Variants in SLC25A31 observed in about 807,000 individuals in gnomAD.
The protein encoded by SLC25A31 is solute carrier family 25 member 31.
Under a neutral mutation model 36.2 loss-of-function variants are expected in SLC25A31, and 40 were observed. The ratio of observed to expected loss-of-function variants is 1.10; its 90% CI spans 0.86 to 1.44. SLC25A31 has a LOEUF of 1.44. Ranked by LOEUF, SLC25A31 falls within the 40% of genes most tolerant of loss-of-function variation. SLC25A31 has a pLI of 0.00. For missense variants in SLC25A31, 350 were observed against 397.1 expected, an observed-to-expected ratio of 0.88 and a Z score of 1.01; for synonymous variants, 143 against 149.7, an observed-to-expected ratio of 0.96 and a Z score of 0.32.
chr4:127,751,269 G>C (rs983733843), intron 2 of SLC25A31, among the ~76,000 whole-genome samples: 3 of 151,898 alleles, frequency 2.0e-5, no homozygotes, highest in Admixed American at 6.6e-5. Flanking sequence ...AATAATACCA[G>C]GCATCTACAA....
At chr4:127,735,509 GTCTCCCTGGTCCCTCCCTC>G (rs1455327620) in intron 1 of SLC25A31, among the ~76,000 whole-genome samples, 5 of 151,820 alleles carry the variant, frequency 3.3e-5, no homozygotes, top group Non-Finnish European at 5.9e-5. Context: ...TTTGCTACCT[GTCTCCCTGGTCCCTCCCTC>G]TTAAGATGTA....
At chr4:127,770,529 G>C (rs1164451033) in intron 5 of SLC25A31, among the ~76,000 whole-genome samples, 3 of 152,024 alleles carry the variant, frequency 2.0e-5, no homozygotes, top group Non-Finnish European at 4.4e-5. Flanking sequence ...GGGAGGCTGA[G>C]GCAGGAGAAT....
intron 5 of SLC25A31, among the ~76,000 whole-genome samples, chr4:127,770,353 A>G (rs1732329210): frequency 6.6e-6 from 1 of 152,228 alleles, no homozygotes; most frequent in Non-Finnish European, 1.5e-5. Context: ...TGAGCCAGGC[A>G]CTGTGGCTCA....
chr4:127,730,802 CA>C, intron 1 of SLC25A31, 25 bp downstream of exon 1: 4 of 1,587,644 alleles, frequency 2.5e-6, no homozygotes, highest in Non-Finnish European at 3.4e-6. Context: ...GCCGCCCCGA[CA>C]GCCTCTCCCG....
chr4:127,737,291 A>G (rs550930338), intron 1 of SLC25A31, among the ~76,000 whole-genome samples: 1 of 152,308 alleles, frequency 6.6e-6, no homozygotes, highest in South Asian at 2.1e-4. Context: ...TACTACTTTA[A>G]CAGTTTTCCT....
At chr4:127,740,116 G>C (rs1404557576) in intron 1 of SLC25A31, among the ~76,000 whole-genome samples, 4 of 152,054 alleles carry the variant, frequency 2.6e-5, no homozygotes, top group Non-Finnish European at 2.9e-5. Context: ...TGATCCTTTG[G>C]TGTTGTTATT....
intron 2 of SLC25A31, among the ~76,000 whole-genome samples, chr4:127,747,761 G>C (rs1187085586): frequency 1.3e-5 from 2 of 152,124 alleles, no homozygotes; most frequent in African/African-American, 4.8e-5. Context: ...AATTTCCCTT[G>C]ACTCAGATTG....
intron 2 of SLC25A31, among the ~76,000 whole-genome samples, chr4:127,747,244 G>A (rs1731842889): frequency 6.6e-6 from 1 of 151,728 alleles, no homozygotes; most frequent in Admixed American, 6.6e-5. Flanking sequence ...TTGGCTATTC[G>A]GGCTCTTTTT....
intron 5 of SLC25A31, among the ~76,000 whole-genome samples, chr4:127,771,889 A>G (rs1201508233): frequency 1.3e-5 from 2 of 152,198 alleles, no homozygotes; most frequent in Non-Finnish European, 2.9e-5. Context: ...ATTGTGTTAA[A>G]TTAATCTGTT....
At chr4:127,741,775 C>G (rs1002629326) in intron 1 of SLC25A31, among the ~76,000 whole-genome samples, 6 of 151,946 alleles carry the variant, frequency 3.9e-5, no homozygotes, top group African/African-American at 1.5e-4. Context: ...AGATCCTGGG[C>G]TTTTCTTTAT....
chr4:127,761,393 T>C (rs1392229279), intron 2 of SLC25A31, among the ~76,000 whole-genome samples: 2 of 152,192 alleles, frequency 1.3e-5, no homozygotes, highest in African/African-American at 4.8e-5. Context: ...TGTGCTTGGT[T>C]TTCATAAGCA....
At chr4:127,768,045 T>A (rs1036105127) in intron 4 of SLC25A31, among the ~76,000 whole-genome samples, 10 of 152,024 alleles carry the variant, frequency 6.6e-5, no homozygotes, top group African/African-American at 2.4e-4. Context: ...GTTAAGTAAT[T>A]TACTTGTTAA....
Position 127,730,422 on chromosome 4 carries a change from G to T in SLC25A31, c.-124G>T. 9.3e-7 allele frequency: 1 copy of T among 1,078,048 alleles called. No homozygotes were observed. The highest frequency in any genetic ancestry group is 1.3e-6 in the Non-Finnish European group (1 of 754,104). 66.8% of individuals were successfully genotyped at this position (1,078,048 alleles called of 1,614,324 possible). A position where few individuals can be genotyped will look rare whatever the true frequency, so the allele number is the denominator to read the frequency against. On this transcript the variant is annotated 5_prime_UTR_variant, in exon 1 of 6. Transcript: ENST00000281154. ...CTCGCCGGCGCGCGGCTCTCTCAGC[G>T]TCCCAAGAGCCACTTTCTCGCCAGT...
chr4:127,764,640 T>C (rs566342526), intron 3 of SLC25A31, among the ~76,000 whole-genome samples: 1 of 152,272 alleles, frequency 6.6e-6, no homozygotes, highest in Non-Finnish European at 1.5e-5. Context: ...TAGATTTTTT[T>C]CCATGCACTT....
chr4:127,731,721 C>T (rs1731530274), intron 1 of SLC25A31, among the ~76,000 whole-genome samples: 1 of 151,968 alleles, frequency 6.6e-6, no homozygotes, highest in East Asian at 1.9e-4. Flanking sequence ...CTTCCGTTTC[C>T]GAAGCCCCTC....
chr4:127,761,114 C>G lies in SLC25A31; in HGVS notation c.361-3129C>G, dbSNP rs187564612. ...GATCGTCACTCAGCATGGGCAGATT[C>G]TTACTGCCTTTCTCCCTCTATTTCT... On this transcript the variant is annotated intron_variant, in intron 2 of 5. Transcript: ENST00000281154. Among the ~76,000 whole-genome samples, 4 of 152,270 alleles carry G rather than the reference C, an allele frequency of 2.6e-5. No individual in the cohort carries two copies. In the East Asian group the frequency reaches 7.7e-4, roughly 29 times the overall value.
chr4:127,757,225 AACCC>A (rs1732047866), intron 2 of SLC25A31, among the ~76,000 whole-genome samples: 1 of 152,196 alleles, frequency 6.6e-6, no homozygotes, highest in Non-Finnish European at 1.5e-5. Flanking sequence ...GCATCTGTTG[AACCC>A]ATCAACCAAA....
At chr4:127,768,935 G>C in intron 5 of SLC25A31, 58 bp downstream of exon 5, 2 of 1,446,570 alleles carry the variant, frequency 1.4e-6, no homozygotes, top group Non-Finnish European at 1.8e-6. Context: ...TGATATTTAG[G>C]TATAATCAAA....
Position 127,730,426 on chromosome 4 carries a change from C to A in SLC25A31, c.-120C>A, listed in dbSNP as rs1409296344. The A allele has an allele frequency of 3.6e-6, 4 of 1,125,734 alleles. No homozygotes were observed. In the East Asian group the frequency reaches 1.0e-4, roughly 29 times the overall value. 69.7% of individuals were successfully genotyped at this position (1,125,734 alleles called of 1,614,324 possible). On this transcript the variant is annotated 5_prime_UTR_variant, in exon 1 of 6. Coordinates refer to ENST00000281154, the MANE Select transcript of SLC25A31 (RefSeq NM_031291.4). ...CCGGCGCGCGGCTCTCTCAGCGTCCCAAGAGCCACTTTCTCGCCAGTACGA... is the reference window on the plus strand; with the variant it reads ...CCGGCGCGCGGCTCTCTCAGCGTCCAAAGAGCCACTTTCTCGCCAGTACGA...
Sources: gnomAD v4.1 joint callset for allele counts (sites outside exome capture counted in the v4.1 genomes callset) on GRCh38, gnomAD v4.1.1 for gene constraint, MANE v1.5 for transcripts, NCBI Gene and HGNC (gene_info 2026-07-23, HGNC 2026-07-21) for gene names.